The following GRIK2 variants were observed in gnomAD, a reference collection of about 807,000 sequenced individuals.
GRIK2 encodes glutamate ionotropic receptor kainate type subunit 2.
A neutral mutation model predicts 100.3 loss-of-function variants in GRIK2; 32 were observed. The ratio of observed to expected loss-of-function variants is 0.32; its 90% CI spans 0.24 to 0.43. The LOEUF (loss-of-function observed/expected upper bound fraction) is 0.43. GRIK2 is among the 20% of genes least tolerant of loss of function. GRIK2 has a pLI of 1.00. For synonymous variants in GRIK2, 417 were observed against 389.4 expected (o/e 1.07, Z -0.83); for missense variants, 843 against 1,114.9 (o/e 0.76, Z 3.47).
At chr6:102,020,690 A>C (rs2114361981) in intron 14 of GRIK2, among the ~76,000 whole-genome samples, 1 of 152,000 alleles carries the variant, frequency 6.6e-6, no homozygotes. Context: ...AGCCTTGGGA[A>C]AGTTTGATCA....
intron 9 of GRIK2, among the ~76,000 whole-genome samples, chr6:101,810,091 A>G (rs1026790394): frequency 2.6e-5 from 4 of 151,698 alleles, no homozygotes; most frequent in Non-Finnish European, 5.9e-5. Context: ...ATATATGTAT[A>G]AATTACAATT....
At chr6:101,676,964 TAAAAG>T (rs1195531826) in intron 5 of GRIK2, among the ~76,000 whole-genome samples, 160 bp downstream of exon 5, 2 of 152,150 alleles carry the variant, frequency 1.3e-5, no homozygotes, top group African/African-American at 2.4e-5. Flanking sequence ...TTAATTGTCT[TAAAAG>T]AAAAGTAATG....
At chr6:101,703,551 GAATGTGA>G (rs1169889569) in intron 7 of GRIK2, among the ~76,000 whole-genome samples, 3 of 151,776 alleles carry the variant, frequency 2.0e-5, no homozygotes, top group African/African-American at 7.2e-5. Context: ...TGTATTGAGG[GAATGTGA>G]GGTGAGAGAG....
At chr6:101,814,296 A>T (rs12333203) in intron 9 of GRIK2, among the ~76,000 whole-genome samples, 9,796 of 151,828 alleles carry the variant, frequency 0.065, 330 homozygotes, top group African/African-American at 0.089. Context: ...CACTAATTAT[A>T]AAAAAATCCA....
chr6:101,682,672 G>T, intron 6 of GRIK2, 66 bp downstream of exon 6: 1 of 733,674 alleles, frequency 1.4e-6, no homozygotes, highest in South Asian at 1.7e-5. Context: ...ATGAAAAATA[G>T]GTTTTTTAGT....
At chr6:101,913,875 AC>A (rs1340937302) in intron 12 of GRIK2, among the ~76,000 whole-genome samples, 1 of 151,478 alleles carries the variant, frequency 6.6e-6, no homozygotes, top group Non-Finnish European at 1.5e-5. Context: ...AAATGATATG[AC>A]TCAGCTTTCT....
At chr6:101,760,636 ATAAT>A (rs1368507862) in intron 7 of GRIK2, among the ~76,000 whole-genome samples, 1 of 106,508 alleles carries the variant, frequency 9.4e-6, no homozygotes, top group Non-Finnish European at 1.8e-5. Context: ...TTAATTATAT[ATAAT>A]TATATATAAT....
chr6:101,803,595 G>C (rs1780807581), intron 9 of GRIK2, among the ~76,000 whole-genome samples: 1 of 151,860 alleles, frequency 6.6e-6, no homozygotes, highest in African/African-American at 2.4e-5. Flanking sequence ...GACTGGAGTT[G>C]ATAATGGTAG....
intron 2 of GRIK2, among the ~76,000 whole-genome samples, chr6:101,599,256 T>C (rs1307080546): frequency 6.6e-6 from 1 of 151,920 alleles, no homozygotes; most frequent in Non-Finnish European, 1.5e-5. Context: ...CATTTTGTTC[T>C]TTTTTATGGC....
intron 7 of GRIK2, among the ~76,000 whole-genome samples, chr6:101,767,089 C>T (rs1778087037): frequency 6.6e-6 from 1 of 152,106 alleles, no homozygotes; most frequent in Non-Finnish European, 1.5e-5. Flanking sequence ...TTAGAAGTAA[C>T]TCAGGTAAAC....
At chr6:101,707,019 T>A (rs1340371052) in intron 7 of GRIK2, among the ~76,000 whole-genome samples, 1 of 151,890 alleles carries the variant, frequency 6.6e-6, no homozygotes, top group Non-Finnish European at 1.5e-5. Context: ...ATGTTCACCC[T>A]AATAGGCCAT....
chr6:101,673,157 C>G (rs72954264), intron 4 of GRIK2, among the ~76,000 whole-genome samples: 1 of 151,896 alleles, frequency 6.6e-6, no homozygotes, highest in Non-Finnish European at 1.5e-5. Context: ...AACTCAAGTC[C>G]GCAAGCAAAA....
At chr6:101,960,992 C>T (rs908355532) in intron 14 of GRIK2, among the ~76,000 whole-genome samples, 6 of 152,166 alleles carry the variant, frequency 3.9e-5, no homozygotes, top group African/African-American at 1.4e-4. Context: ...CCACCAAACT[C>T]ACCCTCAGAT....
chr6:101,496,963 ATAATT>A, intron 2 of GRIK2, among the ~76,000 whole-genome samples: 1 of 152,320 alleles, frequency 6.6e-6, no homozygotes, highest in East Asian at 1.9e-4. Flanking sequence ...AGGCTGAAAA[ATAATT>A]AAAGTAAAAG....
At chr6:101,729,635 C>T (rs989926324) in intron 7 of GRIK2, among the ~76,000 whole-genome samples, 4 of 151,572 alleles carry the variant, frequency 2.6e-5, no homozygotes, top group Admixed American at 6.6e-5. Flanking sequence ...TCCAAAGAAG[C>T]GTCATATCCT....
intron 7 of GRIK2, among the ~76,000 whole-genome samples, chr6:101,749,400 C>A (rs966708930): frequency 6.6e-6 from 1 of 152,102 alleles, no homozygotes; most frequent in South Asian, 2.1e-4. Context: ...TGAACCACCA[C>A]GCCTGGCCAG....
intron 14 of GRIK2, among the ~76,000 whole-genome samples, chr6:101,930,227 A>G (rs1790172931): frequency 6.6e-6 from 1 of 151,896 alleles, no homozygotes. Context: ...CTGTATTCCC[A>G]GCTACTTGGG....
At chr6:101,429,972 T>A (rs1769285882) in intron 2 of GRIK2, among the ~76,000 whole-genome samples, 1 of 152,150 alleles carries the variant, frequency 6.6e-6, no homozygotes, top group South Asian at 2.1e-4. Flanking sequence ...CGCTTGGACT[T>A]CTCTAACCTT....
intron 7 of GRIK2, among the ~76,000 whole-genome samples, chr6:101,781,937 C>T (rs1212036480): frequency 3.3e-5 from 5 of 152,066 alleles, no homozygotes; most frequent in Non-Finnish European, 2.9e-5. Context: ...AAAGCCCTCT[C>T]CTAGGTTTTG....
Sources: gnomAD v4.1 joint callset for allele counts (sites outside exome capture counted in the v4.1 genomes callset) on GRCh38, gnomAD v4.1.1 for gene constraint, MANE v1.5 for transcripts, NCBI Gene and HGNC (gene_info 2026-07-23, HGNC 2026-07-21) for gene names.